Variants in MYOM1 observed in about 807,000 individuals in gnomAD.
MYOM1 encodes myomesin-1.
In MYOM1, 164 loss-of-function variants were observed where a neutral mutation model predicts 205.3. The observed-to-expected ratio is 0.80, with a 90% CI of 0.70 to 0.91. MYOM1 has a LOEUF of 0.91. Ranked by LOEUF, MYOM1 falls within the 40% of genes least tolerant of loss-of-function variation. The probability of loss-of-function intolerance (pLI) is 0.00; values close to 1 mark genes in which losing one functional copy is unlikely to be tolerated. For synonymous variants in MYOM1, 772 were observed against 789.4 expected (o/e 0.98, Z 0.37); for missense variants, 2,011 against 2,127.3 (o/e 0.95, Z 1.08).
rs778689830 is a variant in MYOM1, at chr18:3,100,432, G to C, written c.3576-6C>G. 6.2e-7 allele frequency: 1 copy of C among 1,604,198 alleles called. No individual in the cohort carries two copies. The highest frequency in any genetic ancestry group is 8.5e-7 in the Non-Finnish European group (1 of 1,172,140). Reference sequence around the variant, plus strand: ...CTTTGAAGGTCATTTTCGTCCTTCGGAACAAAATATTTTTCTTAGAAATGA... The same window carrying C: ...CTTTGAAGGTCATTTTCGTCCTTCGCAACAAAATATTTTTCTTAGAAATGA... On this transcript the variant is annotated splice_polypyrimidine_tract_variant and splice_region_variant and intron_variant, in intron 23 of 37. Transcript: ENST00000356443.
chr18:3,078,416 CTATTT>C (rs75588267), intron 34 of MYOM1, among the ~76,000 whole-genome samples: 79,153 of 151,046 alleles, frequency 0.52, 21,812 homozygotes, highest in Admixed American at 0.66. Flanking sequence ...ACAGTATAGA[CTATTT>C]TATTTTATTT....
intron 2 of MYOM1, 115 bp downstream of exon 2, chr18:3,214,817 ACT>A (rs1252279324): frequency 3.4e-6 from 4 of 1,172,748 alleles, no homozygotes; most frequent in East Asian, 2.6e-5. Context: ...CAAGAGCGAA[ACT>A]CTGTCTCAAA....
chr18:3,176,266 A>G, intron 5 of MYOM1, 132 bp from the exon 6 acceptor site: 1 of 591,528 alleles, frequency 1.7e-6, no homozygotes. Context: ...CATCGATTAA[A>G]TAAATGTAAA....
chr18:3,089,604 T>A lies in MYOM1; in HGVS notation c.4010-8A>T. The A allele has an allele frequency of 6.2e-7, 1 of 1,603,238 alleles. No homozygotes were observed. Among genetic ancestry groups the A allele is most frequent in the Non-Finnish European group, 8.5e-7 (1 of 1,174,956 alleles). The stretch of plus-strand genomic sequence containing the variant: ...TCTGGAGCTTTTTGAAAACTACAAA[T>A]TGAAAAACAAGGAAGTGTGAAATTG... On this transcript the variant is annotated splice_region_variant and splice_polypyrimidine_tract_variant and intron_variant, in intron 27 of 37. Transcript: ENST00000356443.
At chr18:3,221,215 T>C (rs1437149090), upstream of MYOM1, among the ~76,000 whole-genome samples, 3 of 152,088 alleles carry the variant, frequency 2.0e-5, no homozygotes. Context: ...AAATGGAGTT[T>C]CACCATGTTG....
At chr18:3,155,482 C>T (rs2080288926) in intron 10 of MYOM1, among the ~76,000 whole-genome samples, 1 of 152,186 alleles carries the variant, frequency 6.6e-6, no homozygotes, top group South Asian at 2.1e-4. Flanking sequence ...CCTCGGCCTC[C>T]CAAAGTGCTG....
chr18:3,221,701 C>T (rs1263341515), upstream of MYOM1, among the ~76,000 whole-genome samples: 6 of 152,162 alleles, frequency 3.9e-5, no homozygotes, highest in East Asian at 1.9e-4. Context: ...TTGTAATAGA[C>T]GGTTAGCTTC....
At chr18:3,186,802 G>GAGAAAGAAAGAA (rs10655152) in intron 5 of MYOM1, among the ~76,000 whole-genome samples, 11 of 138,874 alleles carry the variant, frequency 7.9e-5, no homozygotes, top group Middle Eastern at 3.7e-3. Flanking sequence ...AAGAAAGAAA[G>GAGAAAGAAAGAA]AGAAAGAAAG....
intron 23 of MYOM1, among the ~76,000 whole-genome samples, chr18:3,101,183 T>C (rs2079370849): frequency 6.6e-6 from 1 of 152,228 alleles, no homozygotes. Context: ...TTAATTATAT[T>C]TGGTATTTCC....
the MYOM1 span, among the ~76,000 whole-genome samples, chr18:3,236,020 G>A: frequency 2.0e-5 from 3 of 152,316 alleles, no homozygotes; most frequent in East Asian, 5.8e-4. Flanking sequence ...AGACTGGGGA[G>A]GGCAGGAAGT....
chr18:3,223,850 T>C (rs1431647801), upstream of MYOM1, among the ~76,000 whole-genome samples: 2 of 152,136 alleles, frequency 1.3e-5, no homozygotes, highest in Non-Finnish European at 2.9e-5. Context: ...TATTTCAATA[T>C]GTTATTGTTT....
chr18:3,211,455 T>C (rs1181699215), intron 2 of MYOM1, among the ~76,000 whole-genome samples: 1 of 152,224 alleles, frequency 6.6e-6, no homozygotes, highest in Non-Finnish European at 1.5e-5. Flanking sequence ...ATTTTGCATA[T>C]AATTTCAGAT....
intron 9 of MYOM1, among the ~76,000 whole-genome samples, chr18:3,166,611 T>C (rs2080476045): frequency 6.6e-6 from 1 of 152,140 alleles, no homozygotes; most frequent in Non-Finnish European, 1.5e-5. Context: ...CACTAACTAA[T>C]TATGTAACTT....
At chr18:3,094,749 C>T (rs1327564044) in intron 25 of MYOM1, among the ~76,000 whole-genome samples, 1 of 151,806 alleles carries the variant, frequency 6.6e-6, no homozygotes, top group Non-Finnish European at 1.5e-5. Flanking sequence ...GCAACCTCTG[C>T]CTCCTGGGTT....
chr18:3,165,488 C>A (rs116468633), intron 9 of MYOM1, among the ~76,000 whole-genome samples: 218 of 152,308 alleles, frequency 1.4e-3, no homozygotes, highest in African/African-American at 4.6e-3. Context: ...TGAAAATGTT[C>A]TTTTCCATCA....
upstream of MYOM1, among the ~76,000 whole-genome samples, chr18:3,223,797 T>C (rs548900729): frequency 1.3e-5 from 2 of 152,342 alleles, no homozygotes; most frequent in African/African-American, 4.8e-5. Context: ...GAGTGTCATT[T>C]TATGACTTTA....
the MYOM1 span, among the ~76,000 whole-genome samples, chr18:3,235,247 A>C: frequency 2.0e-5 from 3 of 152,216 alleles, no homozygotes; most frequent in Non-Finnish European, 4.4e-5. Context: ...CCATTACCTC[A>C]AAATGTCCCA....
the MYOM1 span, among the ~76,000 whole-genome samples, chr18:3,233,168 T>C: frequency 8.5e-5 from 13 of 152,370 alleles, no homozygotes; most frequent in East Asian, 7.7e-4. Context: ...TGGCCACTTC[T>C]ACTACCTATG....
At chr18:3,118,229 C>T (rs1219050712) in intron 20 of MYOM1, among the ~76,000 whole-genome samples, 1 of 152,224 alleles carries the variant, frequency 6.6e-6, no homozygotes, top group African/African-American at 2.4e-5. Flanking sequence ...TTGCTTTACA[C>T]TACTCAGTAA....
Sources: gnomAD v4.1 joint callset for allele counts (sites outside exome capture counted in the v4.1 genomes callset) on GRCh38, gnomAD v4.1.1 for gene constraint, MANE v1.5 for transcripts, NCBI Gene and HGNC (gene_info 2026-07-23, HGNC 2026-07-21) for gene names.